Variants in DPP6 observed in about 807,000 individuals in gnomAD.
DPP6 encodes A-type potassium channel modulatory protein DPP6.
A neutral mutation model predicts 122.6 loss-of-function variants in DPP6; 69 were observed. That is an observed-to-expected ratio of 0.56 (90% CI 0.46 to 0.69). The LOEUF (loss-of-function observed/expected upper bound fraction) is 0.69, where lower values mean the gene tolerates loss of function less well. Among genes scored for constraint, DPP6 ranks in the 30% least tolerant of loss-of-function variants. The pLI, the probability that DPP6 is intolerant of heterozygous loss-of-function variation, is 0.00. For synonymous variants in DPP6, 418 were observed against 433.1 expected, an observed-to-expected ratio of 0.97 and a Z score of 0.43; for missense variants, 928 against 1,116.9, an observed-to-expected ratio of 0.83 and a Z score of 2.41.
At chr7:154,578,244 C>T (rs1831812462) in intron 5 of DPP6, among the ~76,000 whole-genome samples, 1 of 152,024 alleles carries the variant, frequency 6.6e-6, no homozygotes, top group African/African-American at 2.4e-5. Flanking sequence ...TATGGTGTTC[C>T]CGCTTCTCTC....
intron 1 of DPP6, among the ~76,000 whole-genome samples, chr7:154,115,699 C>A (rs1023305555): frequency 1.3e-5 from 2 of 152,146 alleles, no homozygotes; most frequent in Non-Finnish European, 2.9e-5. Context: ...GAGTGTTATA[C>A]AGCCTATAGG....
At chr7:154,884,126 CCATACACATGCTCACA>C (rs1805829894) in intron 21 of DPP6, 1 of 128,458 alleles carries the variant, frequency 7.8e-6, no homozygotes, top group South Asian at 2.7e-4. Context: ...ACATGCTCAC[CCATACACATGCTCACA>C]CACACATGCT....
chr7:154,123,451 A>G (rs1168646967), intron 1 of DPP6, among the ~76,000 whole-genome samples: 1 of 152,194 alleles, frequency 6.6e-6, no homozygotes, highest in Non-Finnish European at 1.5e-5. Context: ...AGTAATAATA[A>G]GTGGTATTTC....
At chr7:153,852,385 A>AG in the DPP6 span, among the ~76,000 whole-genome samples, 1 of 152,078 alleles carries the variant, frequency 6.6e-6, no homozygotes, top group Admixed American at 6.6e-5. Context: ...TGGAAGGCAA[A>AG]GGGGGAGCAG....
chr7:153,846,869 A>G, the DPP6 span, among the ~76,000 whole-genome samples: 1 of 149,304 alleles, frequency 6.7e-6, no homozygotes, highest in Non-Finnish European at 1.5e-5. Context: ...ATTTCTTTGT[A>G]TTTTTTTTTA....
At chr7:153,835,475 G>A in the DPP6 span, among the ~76,000 whole-genome samples, 4 of 151,678 alleles carry the variant, frequency 2.6e-5, no homozygotes, top group African/African-American at 9.7e-5. Flanking sequence ...TGGTTAATCC[G>A]CTTTAGTATT....
intron 1 of DPP6, among the ~76,000 whole-genome samples, chr7:154,300,061 C>T (rs748623653): frequency 1.3e-5 from 2 of 152,240 alleles, no homozygotes; most frequent in Non-Finnish European, 2.9e-5. Context: ...CGCCTCAAAT[C>T]CATTTGTCAG....
intron 4 of DPP6, among the ~76,000 whole-genome samples, chr7:154,550,214 T>C (rs1025233230): frequency 6.6e-6 from 1 of 152,228 alleles, no homozygotes; most frequent in Non-Finnish European, 1.5e-5. Context: ...AGTTACTTCC[T>C]TGTTAACCAT....
rs552731211 is a variant in DPP6 at position 154,640,012 on chromosome 7, G to A, written c.680+2139G>A. Among the ~76,000 whole-genome samples, 4 of 152,270 alleles carry A rather than the reference G, an allele frequency of 2.6e-5. No homozygotes were observed. In the South Asian group the frequency reaches 6.2e-4, roughly 24 times the overall value. ...CACACCTGTAATCCCAACACTCCGGGAGGCCAAGGTGGGCAGATCACTTGA... is the reference window on the plus strand; with the variant it reads ...CACACCTGTAATCCCAACACTCCGGAAGGCCAAGGTGGGCAGATCACTTGA... On this transcript the variant is annotated intron_variant, in intron 6 of 25. Coordinates refer to ENST00000377770, the MANE Select transcript of DPP6 (RefSeq NM_130797.4).
chr7:154,086,019 C>T (rs535096834), intron 1 of DPP6, among the ~76,000 whole-genome samples: 4 of 152,054 alleles, frequency 2.6e-5, no homozygotes, highest in Non-Finnish European at 4.4e-5. Context: ...AGCCACCGCA[C>T]CCAGCCAGCA....
At chr7:154,733,092 G>A (rs117166990) in intron 8 of DPP6, among the ~76,000 whole-genome samples, 1 of 152,202 alleles carries the variant, frequency 6.6e-6, no homozygotes, top group Non-Finnish European at 1.5e-5. Context: ...CACCGTCCTG[G>A]TTCCACCTAC....
At chr7:154,220,271 T>G (rs906448225) in intron 1 of DPP6, among the ~76,000 whole-genome samples, 1 of 152,152 alleles carries the variant, frequency 6.6e-6, no homozygotes. Flanking sequence ...GCTCTTCCAT[T>G]CCTTCTGTCA....
At chr7:154,554,270 C>G (rs1380690123) in intron 4 of DPP6, among the ~76,000 whole-genome samples, 3 of 152,066 alleles carry the variant, frequency 2.0e-5, no homozygotes, top group Admixed American at 2.0e-4. Flanking sequence ...ATGTGTGCAC[C>G]CACAGAGTTG....
At chr7:154,672,787 T>G (rs904482722) in intron 7 of DPP6, among the ~76,000 whole-genome samples, 2 of 152,230 alleles carry the variant, frequency 1.3e-5, no homozygotes, top group Non-Finnish European at 2.9e-5. Flanking sequence ...AGGGGCCGCC[T>G]TCTTCTGCAG....
chr7:154,424,555 T>G (rs1817736165), intron 1 of DPP6, among the ~76,000 whole-genome samples: 1 of 152,168 alleles, frequency 6.6e-6, no homozygotes, highest in Non-Finnish European at 1.5e-5. Context: ...CTTCCACATT[T>G]AAGTACCCTT....
At chr7:154,539,958 G>A (rs980273887) in intron 3 of DPP6, among the ~76,000 whole-genome samples, 7 of 152,000 alleles carry the variant, frequency 4.6e-5, no homozygotes, top group African/African-American at 7.2e-5. Context: ...TTGAGTAAGC[G>A]TTTTTACTAA....
At chr7:154,392,713 G>A (rs1383169986) in intron 1 of DPP6, among the ~76,000 whole-genome samples, 1 of 152,200 alleles carries the variant, frequency 6.6e-6, no homozygotes, top group Non-Finnish European at 1.5e-5. Context: ...AGCTTTCTGG[G>A]TAATTGATGT....
chr7:154,705,075 A>G (rs959588605), intron 7 of DPP6, among the ~76,000 whole-genome samples: 1 of 152,218 alleles, frequency 6.6e-6, no homozygotes, highest in African/African-American at 2.4e-5. Context: ...CTCCAGGGCA[A>G]AGACCATCAT....
chr7:153,774,976 A>G, the DPP6 span, among the ~76,000 whole-genome samples: 2 of 144,306 alleles, frequency 1.4e-5, no homozygotes, highest in Admixed American at 1.4e-4. Flanking sequence ...CCTGTCTTGG[A>G]AAAAAAAAAA....
Sources: gnomAD v4.1 joint callset for allele counts (sites outside exome capture counted in the v4.1 genomes callset) on GRCh38, gnomAD v4.1.1 for gene constraint, MANE v1.5 for transcripts, NCBI Gene and HGNC (gene_info 2026-07-23, HGNC 2026-07-21) for gene names.